The following EIF4G3 variants were observed in gnomAD, a reference collection of about 807,000 sequenced individuals.
The protein encoded by EIF4G3 is eukaryotic translation initiation factor 4 gamma 3.
EIF4G3 carries 34 observed loss-of-function variants against 186.4 expected under a neutral mutation model. The observed-to-expected ratio is 0.18, with a 90% confidence interval of 0.14 to 0.24. The LOEUF (loss-of-function observed/expected upper bound fraction) is 0.24, where lower values mean the gene tolerates loss of function less well. Ranked by LOEUF, EIF4G3 falls within the 10% of genes least tolerant of loss-of-function variation. The pLI is 1.00. For synonymous variants in EIF4G3, 673 were observed against 679.5 expected, an observed-to-expected ratio of 0.99 and a Z score of 0.15; for missense variants, 1,536 against 1,948.5, an observed-to-expected ratio of 0.79 and a Z score of 3.99.
intron 2 of EIF4G3, among the ~76,000 whole-genome samples, chr1:21,121,994 A>G (rs1558061618): frequency 6.6e-6 from 1 of 152,084 alleles, no homozygotes; most frequent in Non-Finnish European, 1.5e-5. Flanking sequence ...TAGGAAGCTA[A>G]GCAACAAAGA....
At chr1:21,157,789 A>C (rs757089907) in intron 2 of EIF4G3, among the ~76,000 whole-genome samples, 16 of 152,160 alleles carry the variant, frequency 1.1e-4, no homozygotes, top group Non-Finnish European at 2.2e-4. Flanking sequence ...CAAAACAATA[A>C]CATTTCTCTT....
At chr1:20,952,735 A>G (rs1437814683) in intron 12 of EIF4G3, among the ~76,000 whole-genome samples, 2 of 152,128 alleles carry the variant, frequency 1.3e-5, no homozygotes. Context: ...TGTTAATTCC[A>G]GCTATTCGGG....
intron 2 of EIF4G3, among the ~76,000 whole-genome samples, chr1:21,157,077 A>G (rs370304579): frequency 1.3e-5 from 2 of 152,142 alleles, no homozygotes; most frequent in East Asian, 3.9e-4. Flanking sequence ...TAATAAATGA[A>G]TAATAAATTA....
intron 5 of EIF4G3, among the ~76,000 whole-genome samples, chr1:21,001,714 T>C (rs570894272): frequency 1.3e-5 from 2 of 152,320 alleles, no homozygotes; most frequent in African/African-American, 4.8e-5. Flanking sequence ...AGAACAGGTA[T>C]TGGAGAACAG....
chr1:21,084,078 C>T (rs2095878321), intron 3 of EIF4G3, among the ~76,000 whole-genome samples: 1 of 152,066 alleles, frequency 6.6e-6, no homozygotes, highest in South Asian at 2.1e-4. Flanking sequence ...GCCACAGTGA[C>T]CTTTTAAAAG....
chr1:20,878,160 C>G (rs1461297091), intron 20 of EIF4G3, among the ~76,000 whole-genome samples: 1 of 152,156 alleles, frequency 6.6e-6, no homozygotes, highest in African/African-American at 2.4e-5. Flanking sequence ...AGCCACCTTG[C>G]CCAGCCTGGA....
At chr1:21,170,713 G>C (rs2097945864) in intron 2 of EIF4G3, among the ~76,000 whole-genome samples, 1 of 151,936 alleles carries the variant, frequency 6.6e-6, no homozygotes, top group African/African-American at 2.4e-5. Context: ...TCATGGTAGA[G>C]CATAGTAGCT....
chr1:20,836,750 A>G (rs1198998076), intron 30 of EIF4G3, among the ~76,000 whole-genome samples: 2 of 152,214 alleles, frequency 1.3e-5, no homozygotes, highest in South Asian at 2.1e-4. Context: ...TTTGTTTATT[A>G]TACTTTCAAA....
intron 16 of EIF4G3, among the ~76,000 whole-genome samples, chr1:20,895,708 T>G (rs185497343): frequency 6.6e-6 from 1 of 152,228 alleles, no homozygotes; most frequent in African/African-American, 2.4e-5. Context: ...ATTATTCACA[T>G]GTATGTGTTA....
chr1:20,983,408 GACA>G (rs1176826270), intron 7 of EIF4G3, among the ~76,000 whole-genome samples: 5 of 152,182 alleles, frequency 3.3e-5, no homozygotes, highest in Non-Finnish European at 1.5e-5. Flanking sequence ...CAGTTTTGGT[GACA>G]ACATTTTTTT....
At chr1:20,916,303 C>T (rs1012024256) in intron 14 of EIF4G3, among the ~76,000 whole-genome samples, 2 of 151,784 alleles carry the variant, frequency 1.3e-5, no homozygotes, top group South Asian at 2.1e-4. Flanking sequence ...AAAATTAGCC[C>T]GGGCGTGGTG....
At chr1:21,080,117 G>A (rs1319193026) in intron 3 of EIF4G3, among the ~76,000 whole-genome samples, 4 of 150,310 alleles carry the variant, frequency 2.7e-5, no homozygotes, top group Non-Finnish European at 5.9e-5. Flanking sequence ...TGCCACTGCA[G>A]TCCAGCCTCG....
intron 12 of EIF4G3, among the ~76,000 whole-genome samples, chr1:20,968,572 A>G (rs2075209352): frequency 6.6e-6 from 1 of 152,200 alleles, no homozygotes; most frequent in Non-Finnish European, 1.5e-5. Context: ...GATTTCTAAA[A>G]ACAAGAAAGT....
intron 3 of EIF4G3, among the ~76,000 whole-genome samples, chr1:21,079,808 C>A (rs1407242835): frequency 6.6e-6 from 1 of 151,848 alleles, no homozygotes; most frequent in Admixed American, 6.6e-5. Flanking sequence ...ACATTAGAGA[C>A]CAGCCTGGGC....
intron 2 of EIF4G3, among the ~76,000 whole-genome samples, chr1:21,140,125 T>C (rs1247116883): frequency 6.6e-6 from 1 of 152,206 alleles, no homozygotes; most frequent in Admixed American, 6.5e-5. Context: ...TAACAGTATG[T>C]CATAATGTGT....
intron 14 of EIF4G3, among the ~76,000 whole-genome samples, chr1:20,913,354 G>A (rs1039494353): frequency 2.6e-5 from 4 of 152,148 alleles, no homozygotes; most frequent in African/African-American, 7.2e-5. Context: ...GAGCAACATA[G>A]TGAGACACCA....
intron 15 of EIF4G3, among the ~76,000 whole-genome samples, chr1:20,902,543 G>A (rs1215269084): frequency 1.3e-5 from 2 of 152,162 alleles, no homozygotes; most frequent in African/African-American, 2.4e-5. Context: ...GCCAACAAAA[G>A]CTCAGTTTTA....
intron 2 of EIF4G3, among the ~76,000 whole-genome samples, chr1:21,105,855 G>T (rs1251470322): frequency 6.6e-6 from 1 of 152,110 alleles, no homozygotes; most frequent in Non-Finnish European, 1.5e-5. Flanking sequence ...TTGAGGCTAG[G>T]AGTTCGAGGC....
chr1:21,116,480 AC>A (rs2096825156), intron 2 of EIF4G3, among the ~76,000 whole-genome samples: 1 of 152,086 alleles, frequency 6.6e-6, no homozygotes, highest in Non-Finnish European at 1.5e-5. Context: ...AAATAAAATA[AC>A]CATAAATAAG....
Sources: gnomAD v4.1 joint callset for allele counts (sites outside exome capture counted in the v4.1 genomes callset) on GRCh38, gnomAD v4.1.1 for gene constraint, MANE v1.5 for transcripts, NCBI Gene and HGNC (gene_info 2026-07-23, HGNC 2026-07-21) for gene names.